TBC1D17: variants seen among roughly 807,000 people sequenced by gnomAD.
The protein encoded by TBC1D17 is TBC1 domain family, member 17.
Under a neutral mutation model 78.8 loss-of-function variants are expected in TBC1D17, and 69 were observed. That is an observed-to-expected ratio of 0.88 (90% CI 0.72 to 1.07). The LOEUF (loss-of-function observed/expected upper bound fraction) is 1.07, where lower values mean the gene tolerates loss of function less well. Ranked by LOEUF, TBC1D17 falls within the 50% of genes least tolerant of loss-of-function variation. TBC1D17 has a pLI of 0.00. For synonymous variants in TBC1D17, 456 were observed against 358.3 expected (o/e 1.27, Z -3.08); for missense variants, 957 against 861.0 (o/e 1.11, Z -1.39).
Position 49,880,341 on chromosome 19 carries a change from A to G in TBC1D17, c.258A>G (p.Glu86=), listed in dbSNP as rs1240794072. The G allele has an allele frequency of 8.7e-6, 14 of 1,613,820 alleles. No individual in the cohort carries two copies. Among genetic ancestry groups the G allele is most frequent in the Non-Finnish European group, 1.1e-5 (13 of 1,180,000 alleles). ...AACCAACCTTTGACCCCGGCTATGA[A>G]CCTGACTGGGCTGTCATCAGCACTG... is the stretch of plus-strand genomic sequence containing the variant. The part of the protein sequence containing the change: ...EEEPTFDPGY[E]PDWAVISTVR... The change falls in exon 4 of 17, where the codon GAA becomes GAG. Residue 86 remains glutamate, a synonymous_variant. Transcript: ENST00000221543.
At chr19:49,881,739 C>CT (rs1173450580) in intron 5 of TBC1D17, among the ~76,000 whole-genome samples, 3 of 152,198 alleles carry the variant, frequency 2.0e-5, no homozygotes, top group Non-Finnish European at 4.4e-5. Context: ...AACAACCCGG[C>CT]TGGATAGAAG....
At chr19:49,878,096 G>C (rs759488701) in intron 1 of TBC1D17, 47 bp from the exon 2 acceptor site, 5 of 1,484,250 alleles carry the variant, frequency 3.4e-6, no homozygotes, top group Non-Finnish European at 4.6e-6. Context: ...TCCCCAGGCT[G>C]GTCCCCTCGC....
At chr19:49,887,274 T>G in intron 13 of TBC1D17, 1 of 582,192 alleles carries the variant, frequency 1.7e-6, no homozygotes, top group Non-Finnish European at 3.1e-6. Flanking sequence ...TGTGGAAGTA[T>G]AATAGCACAC....
intron 15 of TBC1D17, 103 bp from the exon 16 acceptor site, chr19:49,888,128 C>T: frequency 6.5e-7 from 1 of 1,530,184 alleles, no homozygotes; most frequent in South Asian, 1.2e-5. Context: ...CCCAGAGGGC[C>T]AGCCCGGTGT....
intron 3 of TBC1D17, among the ~76,000 whole-genome samples, chr19:49,879,842 CTTTTTTCT>C (rs1363504496): frequency 2.5e-5 from 2 of 79,390 alleles, no homozygotes; most frequent in African/African-American, 1.0e-4. Context: ...GCTGTACTTT[CTTTTTTCT>C]TTTTTTTTTT....
intron 14 of TBC1D17, 55 bp downstream of exon 14, chr19:49,887,628 G>T: frequency 6.2e-7 from 1 of 1,610,032 alleles, no homozygotes; most frequent in South Asian, 1.1e-5. Flanking sequence ...CCTGCCCTGG[G>T]AGGTTGGGCG....
In TBC1D17 at chr19:49,878,492, C is replaced by T. The variant is rs201003850; in HGVS notation, c.121-6C>T. On this transcript the variant is annotated splice_region_variant and splice_polypyrimidine_tract_variant and intron_variant, in intron 2 of 16. Coordinates refer to ENST00000221543, the MANE Select transcript of TBC1D17 (RefSeq NM_024682.3). ...GCCTCTAACCCCGCCTCCCTCCTTA[C>T]CCTAGGACAATGACGTCCTCCTGCA... 1,595 of 1,613,902 alleles carry T rather than the reference C, an allele frequency of 9.9e-4. 4 individuals carry two copies. The highest frequency in any genetic ancestry group is 4.2e-3 in the African/African-American group (318 of 75,068).
chr19:49,880,255 T>C, intron 3 of TBC1D17, 24 bp from the exon 4 acceptor site: 1 of 1,613,260 alleles, frequency 6.2e-7, no homozygotes, highest in Non-Finnish European at 8.5e-7. Flanking sequence ...GGCCCCTTAC[T>C]GTCTGCTCCT....
chr19:49,879,722 G>C (rs1398402240), intron 3 of TBC1D17, among the ~76,000 whole-genome samples: 1 of 151,666 alleles, frequency 6.6e-6, no homozygotes, highest in Non-Finnish European at 1.5e-5. Context: ...GCACTCCGCA[G>C]CCTGACTGCA....
At chr19:49,887,954 C>T (rs2075075138) in intron 15 of TBC1D17, 120 bp downstream of exon 15, 1 of 998,074 alleles carries the variant, frequency 1.0e-6, no homozygotes. Context: ...TAGTTGGGAG[C>T]GCAGTGGGGG....
chr19:49,884,983 T>C (rs2075047224), intron 13 of TBC1D17, among the ~76,000 whole-genome samples: 1 of 152,208 alleles, frequency 6.6e-6, no homozygotes, highest in Non-Finnish European at 1.5e-5. Context: ...CTCACCTAGA[T>C]CCTGTTTGGG....
intron 13 of TBC1D17, among the ~76,000 whole-genome samples, chr19:49,885,762 A>G (rs2075053664): frequency 6.6e-6 from 1 of 151,962 alleles, no homozygotes; most frequent in South Asian, 2.1e-4. Context: ...ACTTGAGGCC[A>G]GGAGTTCCAG....
At chr19:49,881,542 T>G (rs1013181088) in intron 5 of TBC1D17, 67 bp downstream of exon 5, 6 of 1,473,416 alleles carry the variant, frequency 4.1e-6, no homozygotes, top group Non-Finnish European at 5.5e-6. Flanking sequence ...GCGTGACCCC[T>G]CGGGGCTGTG....
At chr19:49,878,073 C>T in intron 1 of TBC1D17, 70 bp from the exon 2 acceptor site, 1 of 1,302,530 alleles carries the variant, frequency 7.7e-7, no homozygotes, top group South Asian at 1.3e-5. Flanking sequence ...TCCCTGGGCC[C>T]GTCCCTATTG....
rs147687652 is a variant in TBC1D17 at position 49,883,742 on chromosome 19, A to G, written c.1123A>G (p.Ile375Val). 9 of 1,613,340 alleles carry G rather than the reference A, an allele frequency of 5.6e-6. No individual in the cohort carries two copies. In the East Asian group the frequency reaches 1.1e-4, roughly 20 times the overall value. The change falls in exon 10 of 17, where the codon ATC becomes GTC. Residue 375 changes from isoleucine (I) to valine (V), a missense_variant. Coordinates refer to ENST00000221543, the MANE Select transcript of TBC1D17 (RefSeq NM_024682.3). Reference sequence around the variant, plus strand: ...ACTTCTGCATGGATACCGCAGCCTCATCGGTCAGTGTCAGGGGTGGCACTT... The same window carrying G: ...ACTTCTGCATGGATACCGCAGCCTCGTCGGTCAGTGTCAGGGGTGGCACTT... ...NSLLHGYRSL[I>V]ERDVSRTDRT... is the part of the protein sequence containing the mutation.
At position 49,878,055 on chromosome 19, in the gene TBC1D17, G is replaced by T. The variant is rs1017151224; in HGVS notation, c.22-88G>T. The T allele has an allele frequency of 8.1e-6, 9 of 1,109,422 alleles. No individual in the cohort carries two copies. The African/African-American group carries it at 1.4e-4, about 17-fold the overall frequency. 68.7% of individuals were successfully genotyped at this position (1,109,422 alleles called of 1,614,324 possible). Reference sequence around the variant, plus strand: ...GCCCTCCCGGCCCCGCCCCCTGAGGGTGGCTCCTCCCTGGGCCCGTCCCTA... The same window carrying T: ...GCCCTCCCGGCCCCGCCCCCTGAGGTTGGCTCCTCCCTGGGCCCGTCCCTA... On this transcript the variant is annotated intron_variant, in intron 1 of 16. Coordinates refer to ENST00000221543, the MANE Select transcript of TBC1D17 (RefSeq NM_024682.3).
At chr19:49,878,104 C>A (rs3745485) in intron 1 of TBC1D17, 39 bp from the exon 2 acceptor site, 3 of 1,517,550 alleles carry the variant, frequency 2.0e-6, no homozygotes, top group East Asian at 2.5e-5. Context: ...CTGGTCCCCT[C>A]GCTTGGGCCC....
At chr19:49,887,081 C>T (rs769729446) in intron 13 of TBC1D17, 11 of 248,368 alleles carry the variant, frequency 4.4e-5, no homozygotes, top group Non-Finnish European at 8.0e-5. Flanking sequence ...AGGTGATCCA[C>T]CCGCCTCACC....
chr19:49,881,230 T>C, intron 4 of TBC1D17, 38 bp from the exon 5 acceptor site: 3 of 1,577,136 alleles, frequency 1.9e-6, no homozygotes, highest in East Asian at 2.3e-5. Context: ...GACTCTGGCT[T>C]CCCACGCGCT....
Sources: allele counts gnomAD v4.1 joint callset (sites outside exome capture counted in the v4.1 genomes callset), GRCh38; gene constraint gnomAD v4.1.1; transcripts MANE v1.5; gene names NCBI Gene and HGNC (gene_info 2026-07-23, HGNC 2026-07-21).